Variants in GLT8D2 observed in about 807,000 individuals in gnomAD.
GLT8D2 encodes the protein glycosyltransferase 8 domain containing 2.
In GLT8D2, 45 loss-of-function variants were observed where a neutral mutation model predicts 44.5. That is an observed-to-expected ratio of 1.01 (90% CI 0.80 to 1.30). The LOEUF is 1.30. Ranked by LOEUF, GLT8D2 falls within the 50% of genes most tolerant of loss-of-function variation. The probability of loss-of-function intolerance (pLI) is 0.00; values close to 1 mark genes in which losing one functional copy is unlikely to be tolerated. For missense variants in GLT8D2, 400 were observed against 430.4 expected (o/e 0.93, Z 0.62); for synonymous variants, 156 against 157.2 (o/e 0.99, Z 0.06).
At chr12:104,000,623 A>G (rs568632555) in intron 5 of GLT8D2, among the ~76,000 whole-genome samples, 16 of 152,376 alleles carry the variant, frequency 1.1e-4, no homozygotes, top group Admixed American at 2.6e-4. Context: ...AAAGTCAGAA[A>G]GTCATGAGGT....
chr12:104,014,541 G>A (rs926002570), intron 4 of GLT8D2, among the ~76,000 whole-genome samples: 8 of 152,134 alleles, frequency 5.3e-5, no homozygotes, highest in African/African-American at 1.9e-4. Flanking sequence ...TTTTCAAGTT[G>A]AGAGTTATGA....
intron 3 of GLT8D2, among the ~76,000 whole-genome samples, chr12:104,016,634 AAAAGAAAGAAGGAGAG>A (rs1023753410): frequency 2.0e-5 from 3 of 149,862 alleles, no homozygotes; most frequent in African/African-American, 7.4e-5. Context: ...ACTCTGTCAA[AAAAGAAAGAAGGAGAG>A]AAAGAAAGAA....
chr12:104,003,329 C>CAAGACACCAG (rs746813473), intron 4 of GLT8D2, 23 bp from the exon 5 acceptor site: 1 of 1,610,608 alleles, frequency 6.2e-7, no homozygotes, highest in South Asian at 1.1e-5. Flanking sequence ...AAACTGGTGT[C>CAAGACACCAG]TTGGAACATG....
intron 4 of GLT8D2, among the ~76,000 whole-genome samples, chr12:104,007,339 C>CTGAGGT (rs1376159103): frequency 2.3e-4 from 35 of 149,424 alleles, no homozygotes; most frequent in African/African-American, 8.6e-4. Context: ...ACCTCTATCC[C>CTGAGGT]TGAGGTCCAG....
intron 1 of GLT8D2, among the ~76,000 whole-genome samples, chr12:104,034,705 G>A (rs1879734395): frequency 1.3e-5 from 2 of 152,388 alleles, no homozygotes; most frequent in Admixed American, 6.5e-5. Flanking sequence ...CTCCACTTCT[G>A]GGGGCAGGGC....
rs532321346 is a variant in GLT8D2 at position 104,057,188 on chromosome 12, A to C, written c.-423+6761T>G. Among the ~76,000 whole-genome samples the C allele has an allele frequency of 3.3e-5, 5 of 152,342 alleles. No individual in the cohort carries two copies. In the East Asian group the frequency reaches 9.6e-4, roughly 29 times the overall value. On this transcript the variant is annotated intron_variant, in intron 1 of 10. Coordinates refer to the GLT8D2 transcript ENST00000548660. ...AAAGTGACATGGGCAAAAAATTCACATTAAAGGAATGCTGAAAGATATCTC... is the reference window on the plus strand; with the variant it reads ...AAAGTGACATGGGCAAAAAATTCACCTTAAAGGAATGCTGAAAGATATCTC...
intron 5 of GLT8D2, among the ~76,000 whole-genome samples, chr12:104,000,215 T>C (rs952339749): frequency 3.3e-5 from 5 of 152,146 alleles, no homozygotes; most frequent in Non-Finnish European, 1.5e-5. Context: ...AATTTAGATC[T>C]GCAAAATCTG....
chr12:104,044,197 C>T (rs1788482657), intron 1 of GLT8D2, among the ~76,000 whole-genome samples: 1 of 152,178 alleles, frequency 6.6e-6, no homozygotes, highest in South Asian at 2.1e-4. Context: ...GAATCCTCTT[C>T]CCAGATATCT....
chr12:104,028,078 T>C (rs145527342), intron 1 of GLT8D2, among the ~76,000 whole-genome samples: 2 of 152,314 alleles, frequency 1.3e-5, no homozygotes, highest in East Asian at 3.9e-4. Flanking sequence ...TCCAGTGTGT[T>C]GCCAACTCTG....
chr12:104,019,318 G>C (rs1877324138), intron 3 of GLT8D2, among the ~76,000 whole-genome samples: 1 of 151,804 alleles, frequency 6.6e-6, no homozygotes, highest in African/African-American at 2.4e-5. Context: ...TGTAGAGATG[G>C]GGTCTCTCCA....
Position 103,989,248 on chromosome 12 carries a change from C to T in GLT8D2, c.*160G>A. 1.9e-6 allele frequency: 1 copy of T among 518,798 alleles called. No individual in the cohort carries two copies. Among genetic ancestry groups the T allele is most frequent in the Non-Finnish European group, 3.4e-6 (1 of 298,498 alleles). 32.1% of individuals were successfully genotyped at this position (518,798 alleles called of 1,614,324 possible). A position where few individuals can be genotyped will look rare whatever the true frequency, so the allele number is the denominator to read the frequency against. On this transcript the variant is annotated 3_prime_UTR_variant, in exon 11 of 11. Transcript: ENST00000360814. The stretch of plus-strand genomic sequence containing the variant: ...TGTACTTAAAGAAGTTAATCAATGC[C>T]TATATGGTCCAAGGTATAATTTGCA...
chr12:104,016,677 A>G (rs1247260395), intron 3 of GLT8D2, among the ~76,000 whole-genome samples: 2 of 86,630 alleles, frequency 2.3e-5, no homozygotes, highest in Non-Finnish European at 5.9e-5. Flanking sequence ...AGAGAGAGAG[A>G]GAAAGAAAAG....
intron 1 of GLT8D2, among the ~76,000 whole-genome samples, chr12:104,036,307 A>AT (rs1879921859): frequency 6.6e-6 from 1 of 152,254 alleles, no homozygotes; most frequent in East Asian, 1.9e-4. Flanking sequence ...TTCACACATA[A>AT]CAATATTAAC....
At chr12:104,046,460 C>T (rs1331714786) in intron 1 of GLT8D2, among the ~76,000 whole-genome samples, 2 of 152,158 alleles carry the variant, frequency 1.3e-5, no homozygotes, top group Admixed American at 6.5e-5. Context: ...AATATTTACA[C>T]GCAGGCATCC....
chr12:104,029,378 A>C (rs1238050708), intron 1 of GLT8D2, among the ~76,000 whole-genome samples: 1 of 152,214 alleles, frequency 6.6e-6, no homozygotes, highest in East Asian at 1.9e-4. Flanking sequence ...GGGAAATATT[A>C]TGGCATTAAT....
intron 4 of GLT8D2, among the ~76,000 whole-genome samples, chr12:104,006,455 C>T (rs1157838817): frequency 2.0e-5 from 3 of 152,186 alleles, no homozygotes; most frequent in Non-Finnish European, 4.4e-5. Context: ...TTGTGCAGAA[C>T]AAGCTTGCTG....
chr12:103,994,495 A>C lies in GLT8D2; in HGVS notation c.607T>G (p.Tyr203Asp). 1 of 1,610,486 alleles carries C rather than the reference A, an allele frequency of 6.2e-7. No individual in the cohort carries two copies. The highest frequency in any genetic ancestry group is 8.5e-7 in the Non-Finnish European group (1 of 1,178,758). Residue 203 changes from tyrosine (Y) to aspartate (D), a missense_variant, in exon 9 of 11, where the codon TAT becomes GAT. Tyr to Asp is a radical substitution (Grantham distance 160). Transcript: ENST00000360814. ...INRLVGLQNT[Y>D]MGYLDYRKKA... ...TTCCGGTAGTCCAGATAGCCCATAT[A>C]TGTGTTCTGTAAGGGAACAGGATGT...
chr12:103,996,520 T>C (rs567865901), intron 8 of GLT8D2, among the ~76,000 whole-genome samples: 1 of 152,318 alleles, frequency 6.6e-6, no homozygotes, highest in African/African-American at 2.4e-5. Context: ...GGTGGGACCT[T>C]GCAGGGCTAA....
At chr12:104,044,276 T>C (rs886242082) in intron 1 of GLT8D2, among the ~76,000 whole-genome samples, 3 of 152,100 alleles carry the variant, frequency 2.0e-5, no homozygotes, top group African/African-American at 7.2e-5. Flanking sequence ...ATGCACAAAT[T>C]GCATCCCCTC....
Sources: gnomAD v4.1 joint callset for allele counts (sites outside exome capture counted in the v4.1 genomes callset) on GRCh38, gnomAD v4.1.1 for gene constraint, MANE v1.5 for transcripts, NCBI Gene and HGNC (gene_info 2026-07-23, HGNC 2026-07-21) for gene names.